CR2: variants seen among roughly 807,000 people sequenced by gnomAD.
CR2 encodes the protein complement C3d receptor 2.
In CR2, 96 loss-of-function variants were observed where a neutral mutation model predicts 123.0. That is an observed-to-expected ratio of 0.78 (90% CI 0.66 to 0.93). The LOEUF (loss-of-function observed/expected upper bound fraction) is 0.93. CR2 is among the 40% of genes least tolerant of loss of function. The pLI, the probability that CR2 is intolerant of heterozygous loss-of-function variation, is 0.00. For missense variants in CR2, 1,258 were observed against 1,361.0 expected (o/e 0.92, Z 1.19); for synonymous variants, 484 against 469.5 (o/e 1.03, Z -0.40).
At chr1:207,480,117 A>G in intron 18 of CR2, 64 bp downstream of exon 18, 1 of 1,136,874 alleles carries the variant, frequency 8.8e-7, no homozygotes, top group South Asian at 1.2e-5. Flanking sequence ...TCTTGTCTGA[A>G]ACTAAACACA....
chr1:207,471,022 G>A lies in CR2; in HGVS notation c.1428G>A (p.Arg476=), dbSNP rs1314062051. Residue 476 remains arginine, a synonymous_variant, in exon 8 of 20, where the codon AGG becomes AGA. Coordinates refer to ENST00000367057, the MANE Select transcript of CR2 (RefSeq NM_001006658.3). ...TGGCAGCGTGTGAAGCTACAGGAAGGCAACTCTTGACAAAACCCCAGCACC... is the reference window on the plus strand; with the variant it reads ...TGGCAGCGTGTGAAGCTACAGGAAGACAACTCTTGACAAAACCCCAGCACC... ...CKVAACEATG[R]QLLTKPQHQF... 6.2e-7 allele frequency: 1 copy of A among 1,613,806 alleles called. No individual in the cohort carries two copies. The highest frequency in any genetic ancestry group is 1.1e-5 in the South Asian group (1 of 91,082).
chr1:207,467,435 G>A (rs1202861627), intron 2 of CR2, among the ~76,000 whole-genome samples: 1 of 152,024 alleles, frequency 6.6e-6, no homozygotes, highest in Non-Finnish European at 1.5e-5. Flanking sequence ...TCAAATAAAT[G>A]CCTTTGAAAA....
chr1:207,469,621 T>A, intron 5 of CR2, 74 bp from the exon 6 acceptor site: 1 of 1,345,292 alleles, frequency 7.4e-7, no homozygotes, highest in Non-Finnish European at 1.1e-6. Context: ...GATAGTGGTA[T>A]CAAGCAGCAT....
intron 13 of CR2, among the ~76,000 whole-genome samples, chr1:207,474,564 C>T (rs141075584): frequency 6.6e-6 from 1 of 152,118 alleles, no homozygotes; most frequent in Non-Finnish European, 1.5e-5. Flanking sequence ...GCCCATATTC[C>T]TAGGTCATGG....
rs1232761633 is a variant in CR2, at chr1:207,470,869, A to G, written c.1355A>G (p.Gln452Arg). Residue 452 changes from glutamine to arginine, a missense_variant, in exon 7 of 20, where the codon CAG becomes CGG. Gln to Arg is a conservative substitution (Grantham distance 43, BLOSUM62 1). Coordinates refer to ENST00000367057, the MANE Select transcript of CR2 (RefSeq NM_001006658.3). ...GYVLVGEESI[Q>R]CTSEGVWTPP... ...GTGCTGGTGGGAGAAGAATCCATAC[A>G]GTGTACCTCTGAGGGGGTGTGGACA... The G allele has an allele frequency of 1.2e-6, 2 of 1,613,916 alleles. No individual in the cohort carries two copies. The highest frequency in any genetic ancestry group is 8.5e-7 in the Non-Finnish European group (1 of 1,179,878).
chr1:207,473,010 A>G lies in CR2; in HGVS notation c.1809A>G (p.Ser603=). The G allele has an allele frequency of 6.2e-7, 1 of 1,614,034 alleles. No homozygotes were observed. Among genetic ancestry groups the G allele is most frequent in the Non-Finnish European group, 8.5e-7 (1 of 1,179,934 alleles). The change falls in exon 10 of 20, where the codon TCA becomes TCG. Residue 603 remains serine (S), a synonymous_variant. Coordinates refer to ENST00000367057, the MANE Select transcript of CR2 (RefSeq NM_001006658.3). ...CKLSLLAVQC[S]HVHIANGYKI... Reference sequence around the variant, plus strand: ...TTTCCCTCCTTGCTGTCCAGTGCTCACATGTCCATATTGCAAATGGATACA... The same window carrying G: ...TTTCCCTCCTTGCTGTCCAGTGCTCGCATGTCCATATTGCAAATGGATACA...
chr1:207,458,059 A>AACACACACACACAC (rs59735642), intron 1 of CR2, among the ~76,000 whole-genome samples: 8,622 of 122,466 alleles, frequency 0.07, 461 homozygotes, highest in Admixed American at 0.083. Context: ...TCAAGGCCAC[A>AACACACACACACAC]ACACACACAC....
rs1206135290 is a variant in CR2, at chr1:207,474,273, G to A, written c.2273G>A (p.Cys758Tyr). 1 of 1,613,574 alleles carries A rather than the reference G, an allele frequency of 6.2e-7. No homozygotes were observed. Among genetic ancestry groups the A allele is most frequent in the Non-Finnish European group, 8.5e-7 (1 of 1,179,594 alleles). The change falls in exon 13 of 20, where the codon TGT becomes TAT. Residue 758 changes from cysteine to tyrosine, a missense_variant. By Grantham distance (194) the Cys-to-Tyr change is radical. Coordinates refer to ENST00000367057, the MANE Select transcript of CR2 (RefSeq NM_001006658.3). ...TTGACTGGACATGCTTATCAGATGT[G>A]TCAAGATGCTGAAAATGGAATTTGG... ...YQLTGHAYQM[C>Y]QDAENGIWFK...
At chr1:207,468,458 C>A (rs959461369) in intron 2 of CR2, 69 bp from the exon 3 acceptor site, 7 of 1,520,204 alleles carry the variant, frequency 4.6e-6, no homozygotes, top group Non-Finnish European at 3.6e-6. Flanking sequence ...AAGATTGGAC[C>A]CCCTTGATTC....
chr1:207,470,339 G>C (rs1436396486), intron 6 of CR2, among the ~76,000 whole-genome samples: 2 of 152,040 alleles, frequency 1.3e-5, no homozygotes, highest in Non-Finnish European at 2.9e-5. Context: ...CATTTCTATA[G>C]GGGAAAAAAT....
chr1:207,489,024 T>C (rs956237198), intron 19 of CR2, 118 bp from the exon 20 acceptor site: 1 of 152,280 alleles, frequency 6.6e-6, no homozygotes, highest in African/African-American at 2.4e-5. Context: ...ATAGACTTGA[T>C]GCTTTGTTGG....
In CR2 at chr1:207,477,916, T is replaced by G; in HGVS notation, c.2934T>G (p.Asp978Glu). The change falls in exon 16 of 20, where the codon GAT becomes GAG. Residue 978 changes from aspartate (D) to glutamate (E), a missense_variant. Physicochemically the swap from Asp to Glu is conservative, Grantham distance 45. Coordinates refer to ENST00000367057, the MANE Select transcript of CR2 (RefSeq NM_001006658.3). The stretch of plus-strand genomic sequence containing the variant: ...ACTGTAGCTCACCAGCAGATATGGA[T>G]GGAATCCAGAAAGGGCTGGAACCAA... The part of the protein sequence containing the change: ...EVNCSSPADM[D>E]GIQKGLEPRK... 1 of 1,614,078 alleles carries G rather than the reference T, an allele frequency of 6.2e-7. No homozygotes were observed. The highest frequency in any genetic ancestry group is 1.3e-5 in the African/African-American group (1 of 75,040).
intron 8 of CR2, 38 bp from the exon 9 acceptor site, chr1:207,471,385 A>C (rs754918247): frequency 6.7e-7 from 1 of 1,498,760 alleles, no homozygotes; most frequent in Admixed American, 1.7e-5. Context: ...CTTAATGGTC[A>C]CCTGATGGCA....
intron 1 of CR2, among the ~76,000 whole-genome samples, chr1:207,456,897 G>T (rs1657847222): frequency 6.6e-6 from 1 of 152,102 alleles, no homozygotes; most frequent in Admixed American, 6.6e-5. Flanking sequence ...TTTATTCTTT[G>T]AGCACAATTG....
chr1:207,482,443 G>A (rs892000544), intron 18 of CR2, among the ~76,000 whole-genome samples: 3 of 152,038 alleles, frequency 2.0e-5, no homozygotes, highest in African/African-American at 7.3e-5. Context: ...CATTTGAGCA[G>A]TAATGTTAGA....
intron 1 of CR2, among the ~76,000 whole-genome samples, chr1:207,460,632 A>G (rs1026972779): frequency 6.6e-6 from 1 of 152,118 alleles, no homozygotes; most frequent in Non-Finnish European, 1.5e-5. Context: ...TCTGCTTGTC[A>G]GTTTAGGGCG....
intron 18 of CR2, among the ~76,000 whole-genome samples, chr1:207,481,681 T>A (rs1658606910): frequency 6.6e-6 from 1 of 152,144 alleles, no homozygotes; most frequent in Admixed American, 6.5e-5. Context: ...ACCAGATGAC[T>A]AATTATTCAG....
chr1:207,468,963 T>C, intron 4 of CR2, 64 bp downstream of exon 4: 1 of 1,553,938 alleles, frequency 6.4e-7, no homozygotes, highest in Non-Finnish European at 8.9e-7. Context: ...GTGTGGACTG[T>C]GAAACCTGCA....
intron 1 of CR2, among the ~76,000 whole-genome samples, chr1:207,461,137 A>G (rs913540980): frequency 5.3e-5 from 8 of 152,140 alleles, no homozygotes; most frequent in African/African-American, 1.9e-4. Flanking sequence ...TGTATAAATA[A>G]GACCTCATTG....
Sources: allele counts gnomAD v4.1 joint callset (sites outside exome capture counted in the v4.1 genomes callset), GRCh38; gene constraint gnomAD v4.1.1; transcripts MANE v1.5; gene names NCBI Gene and HGNC (gene_info 2026-07-23, HGNC 2026-07-21).